The following EFCAB5 variants were observed in gnomAD, a reference collection of about 807,000 sequenced individuals.
The protein encoded by EFCAB5 is EF-hand calcium binding domain 5, also known as EF-hand calcium-binding domain-containing protein 5.
Under a neutral mutation model 167.9 loss-of-function variants are expected in EFCAB5, and 131 were observed. The observed-to-expected ratio is 0.78, with a 90% CI of 0.68 to 0.90. The LOEUF is 0.90. Among genes scored for constraint, EFCAB5 ranks in the 40% least tolerant of loss-of-function variants. The pLI, the probability that EFCAB5 is intolerant of heterozygous loss-of-function variation, is 0.00. For missense variants in EFCAB5, 1,663 were observed against 1,745.2 expected, an observed-to-expected ratio of 0.95 and a Z score of 0.84; for synonymous variants, 574 against 602.8, an observed-to-expected ratio of 0.95 and a Z score of 0.70.
At chr17:29,954,843 C>T (rs960204310) in intron 3 of EFCAB5, among the ~76,000 whole-genome samples, 1 of 152,222 alleles carries the variant, frequency 6.6e-6, no homozygotes, top group African/African-American at 2.4e-5. Flanking sequence ...GCCACAGGGG[C>T]AGAGCTGCCC....
intron 7 of EFCAB5, among the ~76,000 whole-genome samples, chr17:30,028,770 G>A (rs1246989296): frequency 1.3e-5 from 2 of 152,104 alleles, no homozygotes; most frequent in Non-Finnish European, 2.9e-5. Flanking sequence ...GGCAGGGTTG[G>A]TTTCTTCTGA....
chr17:30,027,382 G>A (rs1470404225), intron 7 of EFCAB5, among the ~76,000 whole-genome samples: 1 of 141,394 alleles, frequency 7.1e-6, no homozygotes, highest in Non-Finnish European at 1.5e-5. Context: ...GGCATATTCT[G>A]AACTTCTTCA....
At position 30,066,265 on chromosome 17, in the gene EFCAB5, C is replaced by T. The variant is rs538008976; in HGVS notation, c.2737+6564C>T. The stretch of plus-strand genomic sequence containing the variant: ...AAATCATATCAAATATCTTTTCTGA[C>T]CTCAATGAAATAAAAATAGAAATCA... On this transcript the variant is annotated intron_variant, in intron 14 of 22. Transcript: ENST00000394835. 9.2e-5 allele frequency among the ~76,000 whole-genome samples: 14 copies of T among 152,100 alleles called. No homozygotes were observed. In the East Asian group the frequency reaches 2.7e-3, roughly 29 times the overall value.
At chr17:30,051,339 A>T in intron 9 of EFCAB5, 122 bp downstream of exon 9, 1 of 742,272 alleles carries the variant, frequency 1.3e-6, no homozygotes, top group Non-Finnish European at 2.2e-6. Flanking sequence ...CCCTTCACAT[A>T]ATAGCTCTCT....
intron 14 of EFCAB5, chr17:30,069,487 A>G: frequency 6.3e-7 from 1 of 1,594,534 alleles, no homozygotes; most frequent in South Asian, 1.1e-5. Context: ...TTCACCAGTT[A>G]GTTGTGGGGG....
chr17:30,099,489 AC>A (rs2071351937), intron 22 of EFCAB5, among the ~76,000 whole-genome samples: 1 of 152,014 alleles, frequency 6.6e-6, no homozygotes, highest in South Asian at 2.1e-4. Flanking sequence ...AATCAGTGTG[AC>A]CTTTCTTTGT....
At chr17:30,083,406 C>A (rs2071027880) in intron 18 of EFCAB5, among the ~76,000 whole-genome samples, 2 of 152,162 alleles carry the variant, frequency 1.3e-5, no homozygotes, top group East Asian at 3.9e-4. Flanking sequence ...GCTTTTTCTG[C>A]AGAGCAAGTC....
chr17:29,979,985 A>G (rs577409418), intron 4 of EFCAB5, among the ~76,000 whole-genome samples: 1 of 152,246 alleles, frequency 6.6e-6, no homozygotes, highest in South Asian at 2.1e-4. Context: ...CCTGACCAAC[A>G]TGGTGAAACC....
chr17:29,968,774 C>T lies in EFCAB5; in HGVS notation c.191-17C>T. The T allele has an allele frequency of 1.4e-6, 2 of 1,446,784 alleles. No individual in the cohort carries two copies. Among genetic ancestry groups the T allele is most frequent in the Non-Finnish European group, 1.8e-6 (2 of 1,098,952 alleles). 89.6% of individuals were successfully genotyped at this position (1,446,784 alleles called of 1,614,324 possible). On this transcript the variant is annotated splice_polypyrimidine_tract_variant and intron_variant, in intron 3 of 22. Transcript: ENST00000394835. ...TACTTCTAACATTTCTTACATTTCA[C>T]TTTTTTTTCCCCTCAGAATTAAACC...
intron 4 of EFCAB5, among the ~76,000 whole-genome samples, chr17:29,991,505 C>A (rs544124350): frequency 6.6e-6 from 1 of 152,298 alleles, no homozygotes; most frequent in African/African-American, 2.4e-5. Context: ...GATGGGCTCC[C>A]TGGCTAGTTA....
At position 29,993,389 on chromosome 17, in the gene EFCAB5, C is replaced by T. The variant is rs2068466634; in HGVS notation, c.924+68C>T. 5.3e-6 allele frequency: 8 copies of T among 1,500,686 alleles called. No homozygotes were observed. In the Admixed American group the frequency reaches 1.2e-4, roughly 22 times the overall value. The allele number at this position is 1,500,686 out of a possible 1,614,324, so 93.0% of individuals were successfully genotyped here. On this transcript the variant is annotated intron_variant, in intron 5 of 22. Transcript: ENST00000394835. ...TGGTAAAAGGGCAATTGCTAGAATACTGAGTAGCATACTAGAAGCCTCCCT... is the reference window on the plus strand; with the variant it reads ...TGGTAAAAGGGCAATTGCTAGAATATTGAGTAGCATACTAGAAGCCTCCCT...
At chr17:30,085,791 G>A (rs1207734291) in intron 18 of EFCAB5, among the ~76,000 whole-genome samples, 1 of 152,016 alleles carries the variant, frequency 6.6e-6, no homozygotes, top group African/African-American at 2.4e-5. Context: ...TCGTCAATGT[G>A]CGATAATCTT....
intron 4 of EFCAB5, among the ~76,000 whole-genome samples, chr17:29,973,606 T>A (rs972054571): frequency 2.7e-5 from 4 of 148,940 alleles, no homozygotes; most frequent in Non-Finnish European, 6.0e-5. Flanking sequence ...GCCTCCTGAG[T>A]AGCTGGGATT....
chr17:30,107,803 CTCTTACTTT>C, intron 22 of EFCAB5, 22 bp from the exon 23 acceptor site: 1 of 1,436,504 alleles, frequency 7.0e-7, no homozygotes, highest in Non-Finnish European at 9.0e-7. Context: ...AAACTCTCCA[CTCTTACTTT>C]TCTTTTTTTT....
chr17:30,001,482 T>C (rs930055137), intron 7 of EFCAB5, among the ~76,000 whole-genome samples: 3 of 152,338 alleles, frequency 2.0e-5, no homozygotes, highest in Non-Finnish European at 4.4e-5. Context: ...TTCCTATTTT[T>C]TTCATTATAA....
At chr17:30,055,037 C>A (rs928941250) in intron 10 of EFCAB5, among the ~76,000 whole-genome samples, 31 of 152,218 alleles carry the variant, frequency 2.0e-4, no homozygotes, top group African/African-American at 7.5e-4. Flanking sequence ...GTGGCTCATG[C>A]CTGTAATCCC....
At chr17:30,055,849 A>C (rs751296117) in intron 10 of EFCAB5, 39 bp from the exon 11 acceptor site, 9 of 1,590,070 alleles carry the variant, frequency 5.7e-6, no homozygotes, top group Non-Finnish European at 7.7e-6. Flanking sequence ...TGGAATATGT[A>C]ATGTCTAATT....
intron 22 of EFCAB5, among the ~76,000 whole-genome samples, chr17:30,096,547 G>A (rs953377105): frequency 4.7e-5 from 7 of 149,408 alleles, no homozygotes; most frequent in East Asian, 2.0e-4. Context: ...AGTGGATACC[G>A]TCTCTAGAAA....
chr17:30,005,768 C>T (rs1232788675), intron 7 of EFCAB5, among the ~76,000 whole-genome samples: 1 of 152,072 alleles, frequency 6.6e-6, no homozygotes, highest in African/African-American at 2.4e-5. Context: ...CTAAAACTGA[C>T]AAAACAGACT....
Sources: gnomAD v4.1 joint callset for allele counts (sites outside exome capture counted in the v4.1 genomes callset) on GRCh38, gnomAD v4.1.1 for gene constraint, MANE v1.5 for transcripts, NCBI Gene and HGNC (gene_info 2026-07-23, HGNC 2026-07-21) for gene names.